SLC35D4: variants seen among roughly 807,000 people sequenced by gnomAD.
SLC35D4 encodes solute carrier family 35 member D4, also known as UDP-N-acetylglucosamine transporter SLC35D4.
chr18:23,279,290 C>G, the SLC35D4 span, among the ~76,000 whole-genome samples: 1 of 152,192 alleles, frequency 6.6e-6, no homozygotes, highest in East Asian at 1.9e-4. Context: ...ACGCAACTGT[C>G]CCCAACATCT....
the SLC35D4 span, chr18:23,253,129 G>A: frequency 1.1e-6 from 1 of 908,562 alleles, no homozygotes; most frequent in African/African-American, 1.6e-5. Flanking sequence ...CACACCGTAA[G>A]CTTGTCATCT....
chr18:23,352,190 T>C, the SLC35D4 span: 1 of 1,608,146 alleles, frequency 6.2e-7, no homozygotes, highest in South Asian at 1.1e-5. Context: ...CCCTCTTGTC[T>C]CTTACCTTAG....
At chr18:23,274,714 C>T in the SLC35D4 span, among the ~76,000 whole-genome samples, 4 of 152,176 alleles carry the variant, frequency 2.6e-5, no homozygotes, top group Admixed American at 6.5e-5. Context: ...GTCCAGTGCA[C>T]GCAAGGGCCA....
chr18:23,300,735 T>C, the SLC35D4 span, among the ~76,000 whole-genome samples: 41 of 152,388 alleles, frequency 2.7e-4, no homozygotes, highest in South Asian at 5.8e-3. Flanking sequence ...TTTGCAAATC[T>C]TGTAATCCCC....
the SLC35D4 span, among the ~76,000 whole-genome samples, chr18:23,275,922 T>C: frequency 6.6e-6 from 1 of 152,170 alleles, no homozygotes. Context: ...GGTAGAATGG[T>C]GGTGACCAGG....
At chr18:23,350,571 T>TA in the SLC35D4 span, among the ~76,000 whole-genome samples, 88 of 152,116 alleles carry the variant, frequency 5.8e-4, 1 homozygote, top group African/African-American at 1.9e-3. Flanking sequence ...TGGGACATAT[T>TA]AAAAAAAATC....
At chr18:23,284,634 G>A in the SLC35D4 span, among the ~76,000 whole-genome samples, 1 of 152,104 alleles carries the variant, frequency 6.6e-6, no homozygotes, top group African/African-American at 2.4e-5. Flanking sequence ...GCTTTCTCAG[G>A]ACCCCTTGAG....
At chr18:23,264,425 C>T in the SLC35D4 span, among the ~76,000 whole-genome samples, 2 of 133,106 alleles carry the variant, frequency 1.5e-5, no homozygotes, top group African/African-American at 5.7e-5. Flanking sequence ...TGCAGTGGTG[C>T]GATCTCGGCT....
the SLC35D4 span, among the ~76,000 whole-genome samples, chr18:23,306,034 T>C: frequency 6.4e-3 from 979 of 152,298 alleles, 4 homozygotes; most frequent in African/African-American, 0.022. Context: ...ATTTATCCCA[T>C]ATGAATCTCC....
At chr18:23,371,287 GTT>G in the SLC35D4 span, 1 of 627,894 alleles carries the variant, frequency 1.6e-6, no homozygotes, top group Admixed American at 3.9e-5. Context: ...TAGAGATGGG[GTT>G]TCTCAAGGTT....
the SLC35D4 span, among the ~76,000 whole-genome samples, chr18:23,341,046 C>A: frequency 6.6e-6 from 1 of 152,346 alleles, no homozygotes; most frequent in South Asian, 2.1e-4. Context: ...TTCACGTCTA[C>A]ACACGTCCCT....
At chr18:23,273,462 T>A in the SLC35D4 span, among the ~76,000 whole-genome samples, 6 of 151,324 alleles carry the variant, frequency 4.0e-5, no homozygotes, top group Admixed American at 6.6e-5. Flanking sequence ...AGAAAGGGAG[T>A]TTGAAGAGTA....
At chr18:23,261,694 A>G in the SLC35D4 span, among the ~76,000 whole-genome samples, 1 of 152,198 alleles carries the variant, frequency 6.6e-6, no homozygotes, top group Non-Finnish European at 1.5e-5. Flanking sequence ...CACTCAGAAC[A>G]CTTTTGTACA....
the SLC35D4 span, among the ~76,000 whole-genome samples, chr18:23,343,739 C>T: frequency 3.3e-5 from 5 of 152,184 alleles, no homozygotes; most frequent in South Asian, 2.1e-4. Flanking sequence ...AAGTAGGCCC[C>T]GGTGTCAGCC....
the SLC35D4 span, among the ~76,000 whole-genome samples, chr18:23,436,257 G>A: frequency 6.6e-6 from 1 of 151,066 alleles, no homozygotes. Flanking sequence ...CGAACTCCTG[G>A]CCTCAAACAA....
the SLC35D4 span, among the ~76,000 whole-genome samples, chr18:23,423,760 T>C: frequency 2.0e-5 from 3 of 152,064 alleles, no homozygotes; most frequent in South Asian, 6.2e-4. Flanking sequence ...AAACCCAAAG[T>C]GTGTTCAAAG....
the SLC35D4 span, among the ~76,000 whole-genome samples, chr18:23,375,057 G>A: frequency 6.6e-6 from 1 of 151,664 alleles, no homozygotes; most frequent in African/African-American, 2.4e-5. Flanking sequence ...AGAGGTTTCA[G>A]TGAGCCAAGA....
chr18:23,333,212 T>C, the SLC35D4 span, among the ~76,000 whole-genome samples: 9 of 152,226 alleles, frequency 5.9e-5, no homozygotes, highest in South Asian at 6.2e-4. Context: ...GCTGACTTCA[T>C]AGAAGATACA....
the SLC35D4 span, among the ~76,000 whole-genome samples, chr18:23,384,770 G>T: frequency 3.3e-5 from 5 of 152,196 alleles, no homozygotes; most frequent in African/African-American, 1.2e-4. Context: ...GCCTGGCCTG[G>T]ATCTGAGTTC....
Sources: allele counts gnomAD v4.1 joint callset (sites outside exome capture counted in the v4.1 genomes callset), GRCh38; gene constraint gnomAD v4.1.1; transcripts MANE v1.5; gene names NCBI Gene and HGNC (gene_info 2026-07-23, HGNC 2026-07-21).